Variants in PTPRS observed in about 807,000 individuals in gnomAD.
PTPRS encodes protein tyrosine phosphatase receptor type S, also known as receptor-type tyrosine-protein phosphatase S.
PTPRS carries 63 observed loss-of-function variants against 215.3 expected under a neutral mutation model. That is an observed-to-expected ratio of 0.29 (90% CI 0.24 to 0.36). PTPRS has a LOEUF of 0.36. Ranked by LOEUF, PTPRS falls within the 10% of genes least tolerant of loss-of-function variation. The pLI is 1.00. For synonymous variants in PTPRS, 1,404 were observed against 1,191.4 expected (o/e 1.18, Z -3.68); for missense variants, 2,258 against 2,825.8 (o/e 0.80, Z 4.56).
rs958966336 is a variant in PTPRS, at chr19:5,272,993, G to A, written c.379+449C>T. The stretch of plus-strand genomic sequence containing the variant: ...AATGGGATCCAAGTTCATTGGCAGT[G>A]GGGGAAGTCTCACTAAGGATATCAT... On this transcript the variant is annotated intron_variant, in intron 4 of 37. Transcript: ENST00000262963. The A allele has an allele frequency of 3.1e-5, 6 of 195,566 alleles. No individual in the cohort carries two copies. In the South Asian group the frequency reaches 5.7e-4, roughly 18 times the overall value. The allele number at this position is 195,566 out of a possible 1,614,324, so 12.1% of individuals were successfully genotyped here.
rs771711479 is a variant in PTPRS, at chr19:5,210,818, G to C, written c.5235-13C>G. 6.2e-7 allele frequency: 1 copy of C among 1,612,400 alleles called. No individual in the cohort carries two copies. The highest frequency in any genetic ancestry group is 8.5e-7 in the Non-Finnish European group (1 of 1,179,750). ...GGCCTTCTGCTGCCTGCAGGCGTTG[G>C]GGGTATGAGCCCAGGGCCGGCAGGG... On this transcript the variant is annotated splice_polypyrimidine_tract_variant and intron_variant, in intron 33 of 37. Coordinates refer to ENST00000262963, the MANE Select transcript of PTPRS (RefSeq NM_002850.4). The surrounding 1 kb of genome is among the most constrained non-coding windows in gnomAD (Gnocchi z 4.5).
Position 5,229,672 on chromosome 19 carries a change from G to T in PTPRS, c.2168C>A (p.Pro723Gln). ...VRTDEDVPSA[P>Q]PRKVEAEALN... ...CGCCTCCGCCTCCACCTTCCGCGGCGGCGCGCTGGGCACTGGCGGGCGGGA... is the reference window on the plus strand; with the variant it reads ...CGCCTCCGCCTCCACCTTCCGCGGCTGCGCGCTGGGCACTGGCGGGCGGGA... Residue 723 changes from proline (P) to glutamine (Q), a missense_variant, in exon 15 of 38, where the codon CCG (proline) becomes CAG (glutamine). By Grantham distance (76) the Pro-to-Gln change is moderately conservative. This residue lies in a region of PTPRS where 371 missense variants were observed against 446.7 expected (regional missense o/e 0.83). Transcript: ENST00000262963. 7.9e-7 allele frequency: 1 copy of T among 1,269,724 alleles called. No homozygotes were observed. The highest frequency in any genetic ancestry group is 2.9e-5 in the South Asian group (1 of 34,566). 78.7% of individuals were successfully genotyped at this position (1,269,724 alleles called of 1,614,324 possible). A position where few individuals can be genotyped will look rare whatever the true frequency, so the allele number is the denominator to read the frequency against.
intron 2 of PTPRS, 28 bp downstream of exon 2, chr19:5,286,022 C>T (rs1312565161): frequency 6.3e-7 from 1 of 1,599,398 alleles, no homozygotes. Context: ...ACACGCAGAC[C>T]CCTGCACATC....
chr19:5,248,299 A>G (rs2044689258), intron 9 of PTPRS, among the ~76,000 whole-genome samples: 2 of 152,122 alleles, frequency 1.3e-5, no homozygotes, highest in East Asian at 1.9e-4. Context: ...ACAAAGCAAA[A>G]GCAATTTAAA....
At position 5,210,494 on chromosome 19, in the gene PTPRS, C is replaced by T. The variant is rs764990671; in HGVS notation, c.5462G>A (p.Arg1821Gln). The T allele has an allele frequency of 5.6e-5, 90 of 1,614,080 alleles. No individual in the cohort carries two copies. Among genetic ancestry groups the T allele is most frequent in the Non-Finnish European group, 7.1e-5 (84 of 1,180,038 alleles). ...AEYNMPQYIL[R>Q]EFKVTDARDG... ...CCGGGCATCTGTGACCTTGAACTCT[C>T]GCAGGATATACTGAGGCATGTTGTA... is the stretch of plus-strand genomic sequence containing the variant. The change falls in exon 35 of 38, where the codon CGA becomes CAA. Residue 1821 changes from arginine (R) to glutamine (Q), a missense_variant. Physicochemically the swap from Arg to Gln is conservative, Grantham distance 43. Coordinates refer to ENST00000262963, the MANE Select transcript of PTPRS (RefSeq NM_002850.4). This position sits in a 1 kb window ranked among gnomAD's most constrained non-coding sequence, Gnocchi z 4.5.
chr19:5,275,841 TCTCA>T (rs1360748581), intron 2 of PTPRS, among the ~76,000 whole-genome samples: 6 of 150,762 alleles, frequency 4.0e-5, no homozygotes, highest in Admixed American at 4.0e-4. Flanking sequence ...CAGCCTGGGG[TCTCA>T]CTATGTTGCC....
chr19:5,279,159 C>T (rs535679822), intron 2 of PTPRS, among the ~76,000 whole-genome samples: 34 of 150,794 alleles, frequency 2.3e-4, no homozygotes, highest in African/African-American at 7.8e-4. Context: ...GCACTCCAGC[C>T]GGGGCAACAG....
At chr19:5,274,092 A>G in intron 3 of PTPRS, 107 bp downstream of exon 3, 1 of 1,448,562 alleles carries the variant, frequency 6.9e-7, no homozygotes. Flanking sequence ...GCCACAGATG[A>G]TGCTCCACCT....
At chr19:5,261,690 G>A (rs1294227313) in intron 6 of PTPRS, among the ~76,000 whole-genome samples, 3 of 152,174 alleles carry the variant, frequency 2.0e-5, no homozygotes, top group Non-Finnish European at 4.4e-5. Context: ...TTGCAGACGG[G>A]CCAACTGAGG....
rs963825828 is a variant in PTPRS at position 5,272,511 on chromosome 19, T to A, written c.379+931A>T. On this transcript the variant is annotated intron_variant, in intron 4 of 37. Transcript: ENST00000262963. The stretch of plus-strand genomic sequence containing the variant: ...TACTTGGGAGGCTGAGGCAGGAGAA[T>A]CGCTTGAACCTGGGAGGTGGAGGTT... Among the ~76,000 whole-genome samples the A allele has an allele frequency of 2.8e-5, 4 of 142,224 alleles. No homozygotes were observed. In the Admixed American group the frequency reaches 3.1e-4, roughly 11 times the overall value. The allele number at this position is 142,224 out of a possible 152,430, so 93.3% of individuals were successfully genotyped here.
chr19:5,301,036 C>G (rs749551088), intron 1 of PTPRS, among the ~76,000 whole-genome samples: 3 of 152,192 alleles, frequency 2.0e-5, no homozygotes, highest in Non-Finnish European at 4.4e-5. Flanking sequence ...AGCCAGAAAG[C>G]AAAAGCCACA....
In PTPRS at chr19:5,264,743, A is replaced by G. The variant is rs56698767; in HGVS notation, c.568+265T>C. ...ATCCTTGTGCATGTCTGCATCCATTATATCTTCATTGGCCAGGTGTTGAAG... is the reference window on the plus strand; with the variant it reads ...ATCCTTGTGCATGTCTGCATCCATTGTATCTTCATTGGCCAGGTGTTGAAG... On this transcript the variant is annotated intron_variant, in intron 5 of 37. Transcript: ENST00000262963. 8.0e-3 allele frequency among the ~76,000 whole-genome samples: 1,214 copies of G among 152,022 alleles called. 18 individuals are homozygous for G. Among genetic ancestry groups the G allele is most frequent in the African/African-American group, 0.028 (1,177 of 41,446 alleles).
chr19:5,226,577 CAAAAAAAAAA>C (rs537275736), intron 16 of PTPRS, among the ~76,000 whole-genome samples: 1 of 106,358 alleles, frequency 9.4e-6, no homozygotes, highest in Non-Finnish European at 2.0e-5. Flanking sequence ...CTAAAAATAC[CAAAAAAAAAA>C]AAAAAAAGCA....
chr19:5,232,306 C>T (rs1408161719), intron 13 of PTPRS, among the ~76,000 whole-genome samples: 1 of 148,048 alleles, frequency 6.8e-6, no homozygotes, highest in Non-Finnish European at 1.5e-5. Flanking sequence ...CCAAGGGAAA[C>T]AGCAACAGAA....
chr19:5,257,868 G>A lies in PTPRS; in HGVS notation c.706+149C>T, dbSNP rs2045687745. On this transcript the variant is annotated intron_variant, in intron 8 of 37. Coordinates refer to ENST00000262963, the MANE Select transcript of PTPRS (RefSeq NM_002850.4). This position sits in a 1 kb window ranked among gnomAD's most constrained non-coding sequence, Gnocchi z 4.4. ...AAACTAAGGCCCAGAGAGGGACGCC[G>A]CCTCGGCCAAGGTCCCACCGCGACC... is the stretch of plus-strand genomic sequence containing the variant. The A allele has an allele frequency of 9.4e-6, 6 of 635,742 alleles. No individual in the cohort carries two copies. The highest frequency in any genetic ancestry group is 2.8e-5 in the Admixed American group (1 of 35,184). The allele number at this position is 635,742 out of a possible 1,614,324, so 39.4% of individuals were successfully genotyped here.
At chr19:5,259,338 A>G (rs1001746050) in intron 7 of PTPRS, among the ~76,000 whole-genome samples, 2 of 152,226 alleles carry the variant, frequency 1.3e-5, no homozygotes, top group Non-Finnish European at 2.9e-5. Flanking sequence ...CCTTCTCAAG[A>G]ATATCTGAAA....
rs2049835558 is a variant in PTPRS at position 5,315,350 on chromosome 19, G to GCTTTTTTTTTTTTTTTTTTTTTTTTTTT, written c.-95+25313_-95+25314insAAAAAAAAAAAAAAAAAAAAAAAAAAAG. Reference sequence around the variant, plus strand: ...TCATGGAGAATTTTTATTTGAAAAGGGTTTTTTTTTTTTTTTTTTTTTTTT... The same window carrying GCTTTTTTTTTTTTTTTTTTTTTTTTTTT: ...TCATGGAGAATTTTTATTTGAAAAGGCTTTTTTTTTTTTTTTTTTTTTTTTTTTGTTTTTTTTTTTTTTTTTTTTTTTT... On this transcript the variant is annotated intron_variant, in intron 1 of 37. Coordinates refer to ENST00000262963, the MANE Select transcript of PTPRS (RefSeq NM_002850.4). Among the ~76,000 whole-genome samples the GCTTTTTTTTTTTTTTTTTTTTTTTTTTT allele has an allele frequency of 1.2e-4, 12 of 101,296 alleles. 6 individuals carry two copies. The highest frequency in any genetic ancestry group is 2.4e-4 in the African/African-American group (6 of 24,602). The allele number at this position is 101,296 out of a possible 152,430, so 66.5% of individuals were successfully genotyped here. A position where few individuals can be genotyped will look rare whatever the true frequency, so the allele number is the denominator to read the frequency against.
At chr19:5,280,934 G>A (rs2047796990) in intron 2 of PTPRS, among the ~76,000 whole-genome samples, 1 of 151,710 alleles carries the variant, frequency 6.6e-6, no homozygotes, top group Non-Finnish European at 1.5e-5. Flanking sequence ...TGGGATTACA[G>A]GAACCCACCA....
At chr19:5,207,213 T>A (rs2040439492) in intron 37 of PTPRS, among the ~76,000 whole-genome samples, 1 of 152,260 alleles carries the variant, frequency 6.6e-6, no homozygotes, top group Non-Finnish European at 1.5e-5. Flanking sequence ...GCCTCCCAAG[T>A]AGCTGGGATG....
Sources: gnomAD v4.1 joint callset for allele counts (sites outside exome capture counted in the v4.1 genomes callset) on GRCh38, gnomAD v4.1.1 for gene constraint, gnomAD v4.1.1 regional missense constraint, Gnocchi (gnomAD v3.1) non-coding constraint, MANE v1.5 for transcripts, NCBI Gene and HGNC (gene_info 2026-07-23, HGNC 2026-07-21) for gene names.